The following HTT variants were observed in gnomAD, a reference collection of about 807,000 sequenced individuals.
The protein encoded by HTT is huntingtin, also known as huntington disease protein.
In HTT, 104 loss-of-function variants were observed where a neutral mutation model predicts 362.3. That is an observed-to-expected ratio of 0.29 (90% CI 0.24 to 0.34). HTT has a LOEUF of 0.34. Ranked by LOEUF, HTT falls within the 10% of genes least tolerant of loss-of-function variation. The pLI is 1.00. For missense variants in HTT, 3,301 were observed against 3,928.6 expected (o/e 0.84, Z 4.27); for synonymous variants, 1,577 against 1,548.7 (o/e 1.02, Z -0.43).
intron 60 of HTT, 82 bp from the exon 61 acceptor site, chr4:3,233,081 C>T (rs931268988): frequency 1.2e-5 from 14 of 1,196,802 alleles, no homozygotes; most frequent in African/African-American, 3.0e-5. Context: ...GTGAGGGCAG[C>T]GCCCCCGCCT....
Position 3,111,354 on chromosome 4 carries a change from C to T in HTT, c.747+3931C>T, listed in dbSNP as rs569863284. ...GATTACAGGTGTGCACCACCATGCC[C>T]GGCTAATTTTTGTATTTTTAGTAGA... On this transcript the variant is annotated intron_variant, in intron 6 of 66. Coordinates refer to ENST00000355072, the MANE Select transcript of HTT (RefSeq NM_001388492.1). Among the ~76,000 whole-genome samples the T allele has an allele frequency of 1.6e-3, 236 of 152,156 alleles. 3 individuals are homozygous for T. The highest frequency in any genetic ancestry group is 5.3e-3 in the African/African-American group (218 of 41,516).
chr4:3,206,849 C>T lies in HTT; in HGVS notation c.5941C>T (p.His1981Tyr). ...KKTLQCLEGI[H>Y]LSQSGAVLTL... is the part of the protein sequence containing the mutation. ...AACTCTTCAGTGCTTGGAGGGGATCCATCTCAGCCAGTCGGGAGCTGTGCT... is the reference window on the plus strand; with the variant it reads ...AACTCTTCAGTGCTTGGAGGGGATCTATCTCAGCCAGTCGGGAGCTGTGCT... The change falls in exon 44 of 67, where the codon CAT (histidine) becomes TAT (tyrosine). Residue 1981 changes from histidine (H) to tyrosine (Y), a missense_variant. By Grantham distance (83) the His-to-Tyr change is moderately conservative. This residue lies in a region of HTT where 2,316 missense variants were observed against 2,658.5 expected (regional missense o/e 0.87). Transcript: ENST00000355072. The surrounding 1 kb of genome is among the most constrained non-coding windows in gnomAD (Gnocchi z 4.6). 6.2e-7 allele frequency: 1 copy of T among 1,611,546 alleles called. No homozygotes were observed. The highest frequency in any genetic ancestry group is 8.5e-7 in the Non-Finnish European group (1 of 1,178,202).
At chr4:3,170,992 C>T (rs1377922709) in intron 29 of HTT, among the ~76,000 whole-genome samples, 1 of 152,192 alleles carries the variant, frequency 6.6e-6, no homozygotes, top group Non-Finnish European at 1.5e-5. Flanking sequence ...CATGCTTTCT[C>T]ACCTTTTCCA....
At chr4:3,154,248 C>A in intron 26 of HTT, 45 bp from the exon 27 acceptor site, 1 of 1,437,034 alleles carries the variant, frequency 7.0e-7, no homozygotes. Flanking sequence ...ACTTCCATCA[C>A]ATGTTTTTGT....
chr4:3,228,966 C>T lies in HTT; in HGVS notation c.8066C>T (p.Ala2689Val), dbSNP rs952106384. The T allele has an allele frequency of 1.2e-6, 2 of 1,613,710 alleles. No homozygotes were observed. The highest frequency in any genetic ancestry group is 1.3e-5 in the African/African-American group (1 of 74,958). The change falls in exon 59 of 67, where the codon GCC becomes GTC. Residue 2689 changes from alanine (A) to valine (V), a missense_variant. Ala to Val is a moderately conservative substitution (Grantham distance 64). Coordinates refer to ENST00000355072, the MANE Select transcript of HTT (RefSeq NM_001388492.1). The surrounding 1 kb of genome is among the most constrained non-coding windows in gnomAD (Gnocchi z 4.3). ...YSRWILPSSS[A>V]RRTPAILISE... ...CGCTGGATCCTGCCGTCCAGCTCAG[C>T]CAGGAGGACCCCGGCCATCCTGATC...
In HTT at chr4:3,129,948, T is replaced by C. The variant is rs1219090331; in HGVS notation, c.1768T>C (p.Tyr590His). 2 of 1,614,096 alleles carry C rather than the reference T, an allele frequency of 1.2e-6. No homozygotes were observed. The highest frequency in any genetic ancestry group is 1.7e-5 in the Admixed American group (1 of 60,020). The change falls in exon 13 of 67, where the codon TAT becomes CAT. Residue 590 changes from tyrosine (Y) to histidine (H), a missense_variant. Transcript: ENST00000355072. ...GGTGTTAGACGGTACCGACAACCAGTATTTGGGCCTGCAGATTGGACAGCC... is the reference window on the plus strand; with the variant it reads ...GGTGTTAGACGGTACCGACAACCAGCATTTGGGCCTGCAGATTGGACAGCC... ...EIVLDGTDNQYLGLQIGQPQD... is the reference protein window; with the variant it reads ...EIVLDGTDNQHLGLQIGQPQD...
chr4:3,197,571 A>G (rs916160124), intron 40 of HTT, among the ~76,000 whole-genome samples: 2 of 152,112 alleles, frequency 1.3e-5, no homozygotes, highest in African/African-American at 2.4e-5. Flanking sequence ...CCGGGGGCTG[A>G]GTACTTCCTC....
intron 18 of HTT, among the ~76,000 whole-genome samples, chr4:3,133,928 CCTGGG>C (rs2110191142): frequency 6.6e-6 from 1 of 152,194 alleles, no homozygotes; most frequent in African/African-American, 2.4e-5. Context: ...TGATGGTGCC[CCTGGG>C]TGCTTGGGGC....
Position 3,151,382 on chromosome 4 carries a change from G to A in HTT, c.3499-2911G>A, listed in dbSNP as rs190988915. On this transcript the variant is annotated intron_variant, in intron 26 of 66. Coordinates refer to ENST00000355072, the MANE Select transcript of HTT (RefSeq NM_001388492.1). The stretch of plus-strand genomic sequence containing the variant: ...AGAGAGAGAGACAGAGAGAGAGAGA[G>A]AAAAAGAAAGATTGAGAGGGAGAGA... Among the ~76,000 whole-genome samples the A allele has an allele frequency of 9.8e-3, 1,496 of 151,942 alleles. 9 individuals are homozygous for A. Among genetic ancestry groups the A allele is most frequent in the African/African-American group, 0.021 (890 of 41,422 alleles).
rs140956963 is a variant in HTT at position 3,155,413 on chromosome 4, G to A, written c.3625+994G>A. On this transcript the variant is annotated intron_variant, in intron 27 of 66. Coordinates refer to ENST00000355072, the MANE Select transcript of HTT (RefSeq NM_001388492.1). ...ATTTTTTGTATTTTTTATTAGTGGA[G>A]ACGGGGTTTCACCTTGTTGGCCAGG... is the stretch of plus-strand genomic sequence containing the variant. Among the ~76,000 whole-genome samples the A allele has an allele frequency of 5.3e-5, 8 of 150,850 alleles. No individual in the cohort carries two copies. The East Asian group carries it at 1.4e-3, about 26-fold the overall frequency.
rs111245352 is a variant in HTT at position 3,232,335 on chromosome 4, G to C, written c.8266-828G>C. On this transcript the variant is annotated intron_variant, in intron 60 of 66. Coordinates refer to ENST00000355072, the MANE Select transcript of HTT (RefSeq NM_001388492.1). ...ACCTCATCATTCCACAAAAACAAGA[G>C]GCCGCCTGGCCATCCAGCGCTCCAT... Among the ~76,000 whole-genome samples the C allele has an allele frequency of 4.5e-3, 691 of 152,248 alleles. 9 individuals are homozygous for C. The highest frequency in any genetic ancestry group is 0.015 in the African/African-American group (620 of 41,542).
At chr4:3,172,212 T>C in intron 29 of HTT, 108 bp from the exon 30 acceptor site, 1 of 759,850 alleles carries the variant, frequency 1.3e-6, no homozygotes, top group South Asian at 1.5e-5. Flanking sequence ...TCCTCTACTA[T>C]TTACACAATT....
chr4:3,182,548 T>C, intron 37 of HTT, 78 bp downstream of exon 37: 1 of 865,564 alleles, frequency 1.2e-6, no homozygotes, highest in Non-Finnish European at 2.0e-6. Context: ...GTGGCTGGAA[T>C]CAGCTCTTCC....
rs1178325956 is a variant in HTT, at chr4:3,172,782, G to A, written c.3943-126G>A. 4.2e-6 allele frequency: 3 copies of A among 722,350 alleles called. No homozygotes were observed. In the South Asian group the frequency reaches 4.9e-5, roughly 12 times the overall value. The allele number at this position is 722,350 out of a possible 1,614,324, so 44.7% of individuals were successfully genotyped here. ...AGGTATTAATAGTGATTCACAGGAA[G>A]AATTTCACGCTGTGAGTCTTTGCTA... On this transcript the variant is annotated intron_variant, in intron 30 of 66. Transcript: ENST00000355072.
chr4:3,098,125 A>G (rs541062925), intron 2 of HTT, among the ~76,000 whole-genome samples: 2 of 152,222 alleles, frequency 1.3e-5, no homozygotes, highest in Admixed American at 6.5e-5. Flanking sequence ...GTTTCTGTTG[A>G]CAGTACTGCT....
intron 39 of HTT, chr4:3,188,098 G>A (rs1275109119): frequency 8.0e-6 from 4 of 497,466 alleles, no homozygotes; most frequent in Non-Finnish European, 1.4e-5. Flanking sequence ...TCTGTCTCTT[G>A]TCCTCAGTAG....
chr4:3,085,030 T>A lies in HTT; in HGVS notation c.264-1909T>A, dbSNP rs190253741. 1.6e-3 allele frequency among the ~76,000 whole-genome samples: 243 copies of A among 150,870 alleles called. 1 individual carries two copies. Among genetic ancestry groups the A allele is most frequent in the African/African-American group, 5.3e-3 (217 of 40,824 alleles). Reference sequence around the variant, plus strand: ...CTCCGTCTCGGGGGAAAAAAAAAAATAAATAAATAGAATGCTGTAGTGTCC... The same window carrying A: ...CTCCGTCTCGGGGGAAAAAAAAAAAAAAATAAATAGAATGCTGTAGTGTCC... On this transcript the variant is annotated intron_variant, in intron 1 of 66. Transcript: ENST00000355072.
chr4:3,132,985 CTT>C, intron 18 of HTT, 74 bp downstream of exon 18: 3 of 1,116,082 alleles, frequency 2.7e-6, no homozygotes, highest in Non-Finnish European at 4.1e-6. Flanking sequence ...AAAATTGGAG[CTT>C]AATAGGAAAT....
Position 3,154,324 on chromosome 4 carries a change from C to T in HTT, c.3530C>T (p.Ser1177Phe). ...AALPSLTNPP[S>F]LSPIRRKGKE... The stretch of plus-strand genomic sequence containing the variant: ...TTGCCTTCTCTAACAAACCCCCCTT[C>T]TCTAAGTCCCATCCGACGAAAGGGG... The change falls in exon 27 of 67, where the codon TCT (serine) becomes TTT (phenylalanine). Residue 1177 changes from serine (S) to phenylalanine (F), a missense_variant. This residue lies in a region of HTT where 2,316 missense variants were observed against 2,658.5 expected (regional missense o/e 0.87). Coordinates refer to ENST00000355072, the MANE Select transcript of HTT (RefSeq NM_001388492.1). The T allele has an allele frequency of 6.2e-7, 1 of 1,607,528 alleles. No homozygotes were observed. The highest frequency in any genetic ancestry group is 8.5e-7 in the Non-Finnish European group (1 of 1,176,556).
Sources: gnomAD v4.1 joint callset for allele counts (sites outside exome capture counted in the v4.1 genomes callset) on GRCh38, gnomAD v4.1.1 for gene constraint, gnomAD v4.1.1 regional missense constraint, Gnocchi (gnomAD v3.1) non-coding constraint, MANE v1.5 for transcripts, NCBI Gene and HGNC (gene_info 2026-07-23, HGNC 2026-07-21) for gene names.